RUNDC3A: variants seen among roughly 807,000 people sequenced by gnomAD.
The protein encoded by RUNDC3A is RUN domain containing 3A, also known as RUN domain-containing protein 3A.
RUNDC3A carries 28 observed loss-of-function variants against 53.9 expected under a neutral mutation model. That is an observed-to-expected ratio of 0.52 (90% confidence interval 0.38 to 0.71). RUNDC3A has a LOEUF of 0.71. Ranked by LOEUF, RUNDC3A falls within the 30% of genes least tolerant of loss-of-function variation. The probability of loss-of-function intolerance (pLI) is 0.00; values close to 1 mark genes in which losing one functional copy is unlikely to be tolerated. For synonymous variants in RUNDC3A, 232 were observed against 249.4 expected (o/e 0.93, Z 0.66); for missense variants, 491 against 597.3 (o/e 0.82, Z 1.85).
Position 44,315,132 on chromosome 17 carries a change from T to C in RUNDC3A, c.630-23T>C. 6.3e-7 allele frequency: 1 copy of C among 1,585,448 alleles called. No homozygotes were observed. Among genetic ancestry groups the C allele is most frequent in the Non-Finnish European group, 8.6e-7 (1 of 1,165,572 alleles). On this transcript the variant is annotated intron_variant, in intron 6 of 10. Transcript: ENST00000426726. This position sits in a 1 kb window ranked among gnomAD's most constrained non-coding sequence, Gnocchi z 6.1. The stretch of plus-strand genomic sequence containing the variant: ...GCGGGGGGAGGGGCGGGACCGGCCG[T>C]GCCCACTGCTCCCTCTCCCAAGCTA...
At chr17:44,313,551 C>A in intron 4 of RUNDC3A, 48 bp downstream of exon 4, 3 of 1,580,518 alleles carry the variant, frequency 1.9e-6, no homozygotes, top group South Asian at 1.1e-5. Context: ...AGTGCACCTG[C>A]ATTGCCCAAA....
rs753519531 is a variant in RUNDC3A at position 44,315,301 on chromosome 17, G to T, written c.776G>T (p.Arg259Leu). Reference protein sequence around the residue: ...SKWHKMEQKFRIVYAQKGYLE... With the variant: ...SKWHKMEQKFLIVYAQKGYLE... The stretch of plus-strand genomic sequence containing the variant: ...TGGCACAAGATGGAGCAGAAGTTCC[G>T]CATCGTCTACGCGCAGAAGGTGCGC... Residue 259 changes from arginine to leucine, a missense_variant, in exon 7 of 11, where the codon CGC becomes CTC. By Grantham distance (102) the Arg-to-Leu change is moderately radical. This residue lies in a region of RUNDC3A where 273 missense variants were observed against 389.0 expected (regional missense o/e 0.70). Transcript: ENST00000426726. The surrounding 1 kb of genome is among the most constrained non-coding windows in gnomAD (Gnocchi z 6.1). 6.6e-7 allele frequency: 1 copy of T among 1,526,382 alleles called. No homozygotes were observed. The highest frequency in any genetic ancestry group is 1.2e-5 in the South Asian group (1 of 81,012). The allele number at this position is 1,526,382 out of a possible 1,614,324, so 94.6% of individuals were successfully genotyped here. A position where few individuals can be genotyped will look rare whatever the true frequency, so the allele number is the denominator to read the frequency against.
chr17:44,317,680 G>C, intron 10 of RUNDC3A: 1 of 648,888 alleles, frequency 1.5e-6, no homozygotes. Context: ...TTTGAGACAA[G>C]GCAGGCTGTG....
At chr17:44,309,608 C>A (rs772770848) in intron 1 of RUNDC3A, among the ~76,000 whole-genome samples, 19 of 152,116 alleles carry the variant, frequency 1.2e-4, no homozygotes, top group Non-Finnish European at 2.4e-4. Context: ...ATCCTGTTCA[C>A]TTCAACCTGC....
Position 44,308,954 on chromosome 17 carries a change from T to C in RUNDC3A, c.107+15T>C. The C allele has an allele frequency of 8.1e-7, 1 of 1,240,596 alleles. No homozygotes were observed. Among genetic ancestry groups the C allele is most frequent in the Non-Finnish European group, 1.1e-6 (1 of 918,940 alleles). 76.8% of individuals were successfully genotyped at this position (1,240,596 alleles called of 1,614,324 possible). ...ACCGTGTGCAGGTGGGCACCGCTAG[T>C]GGGCGGGGGCTGGGGTGGTGAGGGA... On this transcript the variant is annotated intron_variant, in intron 1 of 10. Coordinates refer to ENST00000426726, the MANE Select transcript of RUNDC3A (RefSeq NM_001144825.2).
At position 44,313,576 on chromosome 17, in the gene RUNDC3A, A is replaced by AAGTTCCTGCAGCATCCTTC. The variant is rs1193555548; in HGVS notation, c.458+82_458+100dup. On this transcript the variant is annotated intron_variant, in intron 4 of 10. Transcript: ENST00000426726. ...CATTGCCCAAACACAGCTGATCCTT[A>AAGTTCCTGCAGCATCCTTC]AGTTCCTGCAGCATCCTTCAGTTCC... 8 of 1,530,748 alleles carry AAGTTCCTGCAGCATCCTTC rather than the reference A, an allele frequency of 5.2e-6. No individual in the cohort carries two copies. The African/African-American group carries it at 1.1e-4, about 21-fold the overall frequency. The allele number at this position is 1,530,748 out of a possible 1,614,324, so 94.8% of individuals were successfully genotyped here.
intron 2 of RUNDC3A, 58 bp downstream of exon 2, chr17:44,312,753 C>T (rs2047774784): frequency 4.4e-5 from 21 of 477,464 alleles, no homozygotes; most frequent in Admixed American, 9.5e-5. Context: ...CCCCAGTGGT[C>T]CCTCCCCCAG....
At chr17:44,317,908 G>C in intron 10 of RUNDC3A, 188 bp from the exon 11 acceptor site, 1 of 606,032 alleles carries the variant, frequency 1.7e-6, no homozygotes, top group Non-Finnish European at 2.9e-6. Flanking sequence ...TTACAATACA[G>C]TGTCCCCAGC....
chr17:44,316,515 T>C lies in RUNDC3A; in HGVS notation c.1084T>C (p.Tyr362His). Residue 362 changes from tyrosine to histidine, a missense_variant, in exon 9 of 11, where the codon TAC (tyrosine) becomes CAC (histidine). Physicochemically the swap from Tyr to His is moderately conservative, Grantham distance 83 (BLOSUM62 2). This residue lies in a region of RUNDC3A where 218 missense variants were observed against 208.2 expected (regional missense o/e 1.05). Coordinates refer to ENST00000426726, the MANE Select transcript of RUNDC3A (RefSeq NM_001144825.2). Reference sequence around the variant, plus strand: ...CGAGGGCGCCAGCAACTCCAAGCTCTACCGGAGGTAAGCCCCAGCCAGGTG... The same window carrying C: ...CGAGGGCGCCAGCAACTCCAAGCTCCACCGGAGGTAAGCCCCAGCCAGGTG... ...GAEGASNSKL[Y>H]RRHSFMSTEP... is the part of the protein sequence containing the mutation. 6.2e-7 allele frequency: 1 copy of C among 1,612,320 alleles called. No individual in the cohort carries two copies. Among genetic ancestry groups the C allele is most frequent in the Non-Finnish European group, 8.5e-7 (1 of 1,179,224 alleles).
In RUNDC3A at chr17:44,314,583, G is replaced by C. The variant is rs531168028; in HGVS notation, c.459-152G>C. The C allele has an allele frequency of 5.5e-6, 8 of 1,449,548 alleles. No homozygotes were observed. The African/African-American group carries it at 7.1e-5, about 13-fold the overall frequency. The allele number at this position is 1,449,548 out of a possible 1,614,324, so 89.8% of individuals were successfully genotyped here. On this transcript the variant is annotated intron_variant, in intron 4 of 10. Coordinates refer to ENST00000426726, the MANE Select transcript of RUNDC3A (RefSeq NM_001144825.2). ...CACAGGTGCGAGCCCCAGGCTGAAG[G>C]GGGAGAGAGGCTCCAGGCCTGCGTG...
intron 4 of RUNDC3A, chr17:44,313,743 G>A (rs549633108): frequency 1.3e-5 from 16 of 1,209,218 alleles, no homozygotes; most frequent in Middle Eastern, 3.2e-4. Flanking sequence ...GTGCGATGGC[G>A]CGATCTCGGC....
In RUNDC3A at chr17:44,313,405, A is replaced by G. The variant is rs1271673503; in HGVS notation, c.373-13A>G. On this transcript the variant is annotated splice_polypyrimidine_tract_variant and intron_variant, in intron 3 of 10. Coordinates refer to ENST00000426726, the MANE Select transcript of RUNDC3A (RefSeq NM_001144825.2). ...CCTCTGGGGCAGCAAGTAAAGGTGA[A>G]CATGATTTCCAGGGCCGGGCATGGA... is the stretch of plus-strand genomic sequence containing the variant. The G allele has an allele frequency of 1.2e-6, 2 of 1,613,946 alleles. No homozygotes were observed. Among genetic ancestry groups the G allele is most frequent in the East Asian group, 2.2e-5 (1 of 44,892 alleles).
rs2144689985 is a variant in RUNDC3A at position 44,315,089 on chromosome 17, A to G, written c.630-66A>G. ...GGGACGTCCTGGTCCCACCGCCCTCAGCGGCCAGCGCAGACGCGCGGGGGG... is the reference window on the plus strand; with the variant it reads ...GGGACGTCCTGGTCCCACCGCCCTCGGCGGCCAGCGCAGACGCGCGGGGGG... On this transcript the variant is annotated intron_variant, in intron 6 of 10. Transcript: ENST00000426726. The surrounding 1 kb of genome is among the most constrained non-coding windows in gnomAD (Gnocchi z 6.1). 1.9e-6 allele frequency: 3 copies of G among 1,607,478 alleles called. No homozygotes were observed. Among genetic ancestry groups the G allele is most frequent in the South Asian group, 1.1e-5 (1 of 90,772 alleles).
rs1166933288 is a variant in RUNDC3A at position 44,316,702 on chromosome 17, A to T, written c.1175A>T (p.Asp392Val). ...DSQRLGEGTR[D>V]EEPWGPIGKD... ...CAGCGCCTGGGAGAGGGCACGCGGGACGAGGAGCCCTGGGGTCCCATCGGT... is the reference window on the plus strand; with the variant it reads ...CAGCGCCTGGGAGAGGGCACGCGGGTCGAGGAGCCCTGGGGTCCCATCGGT... Residue 392 changes from aspartate to valine, a missense_variant, in exon 10 of 11, where the codon GAC (aspartate) becomes GTC (valine). Around this residue, in one of 2 missense-constraint regions of RUNDC3A, gnomAD observed 218 missense variants for 208.2 expected, o/e 1.05. Transcript: ENST00000426726. The T allele has an allele frequency of 3.9e-6, 6 of 1,549,198 alleles. No individual in the cohort carries two copies. The highest frequency in any genetic ancestry group is 5.2e-6 in the Non-Finnish European group (6 of 1,146,830).
intron 10 of RUNDC3A, chr17:44,317,434 ACT>A (rs1365986884): frequency 2.6e-6 from 2 of 780,640 alleles, no homozygotes; most frequent in African/African-American, 3.4e-5. Flanking sequence ...TCTCATGCAC[ACT>A]GTGAACTACT....
chr17:44,317,659 C>A, intron 10 of RUNDC3A: 1 of 676,390 alleles, frequency 1.5e-6, no homozygotes, highest in Non-Finnish European at 2.7e-6. Context: ...ATTGGATGAC[C>A]CTAGATCTTC....
At position 44,313,184 on chromosome 17, in the gene RUNDC3A, A is replaced by G; in HGVS notation, c.304A>G (p.Ser102Gly). 1.2e-6 allele frequency: 2 copies of G among 1,614,050 alleles called. No homozygotes were observed. Among genetic ancestry groups the G allele is most frequent in the Non-Finnish European group, 1.7e-6 (2 of 1,179,896 alleles). ...TTGGGACTATATCCGGCTGGCCTGCAGCAAAGTGCCCAACAACTGTGTGAG... is the reference window on the plus strand; with the variant it reads ...TTGGGACTATATCCGGCTGGCCTGCGGCAAAGTGCCCAACAACTGTGTGAG... ...GFWDYIRLAC[S>G]KVPNNCVSSI... Residue 102 changes from serine (S) to glycine (G), a missense_variant, in exon 3 of 11, where the codon AGC becomes GGC. Transcript: ENST00000426726.
At chr17:44,308,975 A>G in intron 1 of RUNDC3A, 36 bp downstream of exon 1, 2 of 820,944 alleles carry the variant, frequency 2.4e-6, no homozygotes, top group Non-Finnish European at 3.8e-6. Flanking sequence ...TGGGGTGGTG[A>G]GGGAGAGGGG....
At chr17:44,317,039 G>C (rs2047880515) in intron 10 of RUNDC3A, 1 of 395,088 alleles carries the variant, frequency 2.5e-6, no homozygotes, top group Non-Finnish European at 4.6e-6. Context: ...ATTTTTAGTA[G>C]AGACGGAGTT....
Sources: gnomAD v4.1 joint callset for allele counts (sites outside exome capture counted in the v4.1 genomes callset) on GRCh38, gnomAD v4.1.1 for gene constraint, gnomAD v4.1.1 regional missense constraint, Gnocchi (gnomAD v3.1) non-coding constraint, MANE v1.5 for transcripts, NCBI Gene and HGNC (gene_info 2026-07-23, HGNC 2026-07-21) for gene names.